ERI3: variants seen among roughly 807,000 people sequenced by gnomAD.
ERI3 encodes the protein ERI1 exoribonuclease family member 3, also known as ERI1 exoribonuclease 3.
A neutral mutation model predicts 44.4 loss-of-function variants in ERI3; 18 were observed. The ratio of observed to expected loss-of-function variants is 0.41; its 90% confidence interval spans 0.28 to 0.60. The LOEUF is 0.60. ERI3 is among the 20% of genes least tolerant of loss of function. The pLI, the probability that ERI3 is intolerant of heterozygous loss-of-function variation, is 0.36. For synonymous variants in ERI3, 183 were observed against 164.8 expected, an observed-to-expected ratio of 1.11 and a Z score of -0.84; for missense variants, 294 against 435.5, an observed-to-expected ratio of 0.68 and a Z score of 2.89.
In ERI3 at chr1:44,352,839, A is replaced by G. The variant is rs779123247; in HGVS notation, c.211+11T>C. The G allele has an allele frequency of 4.8e-5, 77 of 1,613,992 alleles. 2 individuals are homozygous for G. In the South Asian group the frequency reaches 8.3e-4, roughly 17 times the overall value. On this transcript the variant is annotated intron_variant, in intron 2 of 8. Transcript: ENST00000372257. ...ATAAAGCCAGACTTGACCATGCAAC[A>G]GGATTCTCACCTCTCCTTACTTCGA...
intron 7 of ERI3, among the ~76,000 whole-genome samples, chr1:44,253,616 C>T (rs1644725635): frequency 6.6e-6 from 1 of 152,230 alleles, no homozygotes; most frequent in South Asian, 2.1e-4. Context: ...GTCTCTGTCA[C>T]CATCCCTGCC....
intron 7 of ERI3, among the ~76,000 whole-genome samples, chr1:44,265,318 T>C (rs1006858273): frequency 9.9e-5 from 15 of 152,240 alleles, no homozygotes; most frequent in Non-Finnish European, 2.2e-4. Flanking sequence ...AGGTGGCAGA[T>C]ATGCCTATAC....
At chr1:44,329,975 T>C (rs1646395818) in intron 3 of ERI3, among the ~76,000 whole-genome samples, 2 of 152,192 alleles carry the variant, frequency 1.3e-5, no homozygotes, top group African/African-American at 4.8e-5. Context: ...ATGTAACTTC[T>C]CCCCATTCTC....
intron 6 of ERI3, among the ~76,000 whole-genome samples, chr1:44,292,084 T>G (rs1645518530): frequency 6.6e-6 from 1 of 152,178 alleles, no homozygotes; most frequent in Non-Finnish European, 1.5e-5. Context: ...GGATTCTGGC[T>G]ATAAGGAGAT....
In ERI3 at chr1:44,355,081, C is replaced by G; in HGVS notation, c.-55G>C. On this transcript the variant is annotated 5_prime_UTR_variant, in exon 1 of 9. Transcript: ENST00000372257. ...GCAGGCTCCCTCCAGGTGCAGGCCC[C>G]GACGTCTCCCTCGGCCTCAGCAAGC... is the stretch of plus-strand genomic sequence containing the variant. 2 of 1,288,156 alleles carry G rather than the reference C, an allele frequency of 1.6e-6. No homozygotes were observed. The highest frequency in any genetic ancestry group is 2.0e-6 in the Non-Finnish European group (2 of 1,012,652). 79.8% of individuals were successfully genotyped at this position (1,288,156 alleles called of 1,614,324 possible).
chr1:44,272,877 A>G (rs942684391), intron 7 of ERI3, among the ~76,000 whole-genome samples: 3 of 146,166 alleles, frequency 2.1e-5, no homozygotes, highest in Non-Finnish European at 4.6e-5. Flanking sequence ...AAAATAAAAT[A>G]AAATAAACTA....
At chr1:44,239,038 C>A (rs912195792) in intron 8 of ERI3, among the ~76,000 whole-genome samples, 7 of 151,694 alleles carry the variant, frequency 4.6e-5, no homozygotes, top group Non-Finnish European at 8.8e-5. Flanking sequence ...CCCTCCCCCC[C>A]CCAATCCAGC....
intron 6 of ERI3, among the ~76,000 whole-genome samples, chr1:44,288,797 G>C (rs1645444751): frequency 6.6e-6 from 1 of 152,060 alleles, no homozygotes. Flanking sequence ...GTTCTTAGGA[G>C]CCTAAGGTCG....
intron 3 of ERI3, among the ~76,000 whole-genome samples, chr1:44,334,742 T>C (rs1029529097): frequency 2.0e-5 from 3 of 152,070 alleles, no homozygotes; most frequent in South Asian, 2.1e-4. Context: ...AGTACAAAAA[T>C]AAACAGCAAA....
intron 7 of ERI3, among the ~76,000 whole-genome samples, chr1:44,279,559 C>T (rs146232942): frequency 6.6e-6 from 1 of 152,256 alleles, no homozygotes; most frequent in East Asian, 1.9e-4. Flanking sequence ...GGCTTCACCC[C>T]TGAGCCCCAC....
At chr1:44,342,813 A>C (rs1434690912) in intron 2 of ERI3, among the ~76,000 whole-genome samples, 81 of 7,680 alleles carry the variant, frequency 0.011, no homozygotes, top group Non-Finnish European at 0.014. Context: ...CATCCAGCTA[A>C]TATATATATA....
At chr1:44,242,948 T>C (rs1303066327) in intron 8 of ERI3, among the ~76,000 whole-genome samples, 2 of 152,228 alleles carry the variant, frequency 1.3e-5, no homozygotes, top group Admixed American at 6.5e-5. Context: ...GAGAAAAGGC[T>C]GTCACTGTCC....
At chr1:44,248,567 G>A (rs1386597304) in intron 7 of ERI3, among the ~76,000 whole-genome samples, 1 of 152,172 alleles carries the variant, frequency 6.6e-6, no homozygotes, top group Non-Finnish European at 1.5e-5. Flanking sequence ...TTGACCACAA[G>A]CAGGCCAGGC....
At chr1:44,333,872 C>T (rs145000487) in intron 3 of ERI3, among the ~76,000 whole-genome samples, 1,531 of 152,302 alleles carry the variant, frequency 0.01, 64 homozygotes, top group Admixed American at 0.079. Context: ...AAACGAGAAA[C>T]TCCTTTACTC....
At chr1:44,331,926 G>C (rs1487251881) in intron 3 of ERI3, among the ~76,000 whole-genome samples, 1 of 152,134 alleles carries the variant, frequency 6.6e-6, no homozygotes, top group Non-Finnish European at 1.5e-5. Flanking sequence ...TGCCCCCACT[G>C]TACCAAGTAC....
intron 3 of ERI3, among the ~76,000 whole-genome samples, chr1:44,330,717 A>C (rs941924008): frequency 5.9e-5 from 9 of 152,194 alleles, no homozygotes; most frequent in African/African-American, 2.2e-4. Context: ...CAATTTTCAC[A>C]GCTAGAGCTC....
chr1:44,248,938 C>A (rs1557784352), intron 7 of ERI3, among the ~76,000 whole-genome samples: 1 of 151,998 alleles, frequency 6.6e-6, no homozygotes, highest in African/African-American at 2.4e-5. Flanking sequence ...GGGGGGGGGA[C>A]ACACGGCAGC....
chr1:44,272,899 T>TA (rs140380748), intron 7 of ERI3, among the ~76,000 whole-genome samples: 3,217 of 150,930 alleles, frequency 0.021, 112 homozygotes, highest in African/African-American at 0.075. Context: ...AAATCCACGT[T>TA]AAAAAAACAA....
chr1:44,322,676 ACT>A (rs896740137), intron 3 of ERI3: 5 of 1,505,792 alleles, frequency 3.3e-6, no homozygotes, highest in African/African-American at 2.8e-5. Flanking sequence ...CTGAGAAAAG[ACT>A]CTCTGAGAAA....
Sources: allele counts gnomAD v4.1 joint callset (sites outside exome capture counted in the v4.1 genomes callset), GRCh38; gene constraint gnomAD v4.1.1; transcripts MANE v1.5; gene names NCBI Gene and HGNC (gene_info 2026-07-23, HGNC 2026-07-21).